LIN7A: variants seen among roughly 807,000 people sequenced by gnomAD.
LIN7A encodes lin-7 cell polarity scaffold A.
LIN7A carries 25 observed loss-of-function variants against 29.8 expected under a neutral mutation model. That is an observed-to-expected ratio of 0.84 (90% confidence interval 0.61 to 1.17). LIN7A has a LOEUF of 1.17. LIN7A is among the 50% of genes most tolerant of loss of function. The probability of loss-of-function intolerance (pLI) is 0.00; values close to 1 mark genes in which losing one functional copy is unlikely to be tolerated. For missense variants in LIN7A, 239 were observed against 287.0 expected (o/e 0.83, Z 1.21); for synonymous variants, 118 against 107.5 (o/e 1.10, Z -0.60).
chr12:80,847,145 T>G (rs548557749), intron 3 of LIN7A, among the ~76,000 whole-genome samples: 10 of 152,224 alleles, frequency 6.6e-5, no homozygotes, highest in Non-Finnish European at 1.5e-4. Context: ...ATGGATGCAA[T>G]GCAGACAGCC....
chr12:80,864,327 GA>G (rs895626291), intron 2 of LIN7A, among the ~76,000 whole-genome samples: 5 of 137,336 alleles, frequency 3.6e-5, no homozygotes, highest in African/African-American at 8.1e-5. Flanking sequence ...ATCAAGATGA[GA>G]AAAAAAAAGA....
rs563440365 is a variant in LIN7A, at chr12:80,813,059, A to G, written c.484-1376T>C. Among the ~76,000 whole-genome samples the G allele has an allele frequency of 1.8e-4, 28 of 152,048 alleles. No individual in the cohort carries two copies. In the East Asian group the frequency reaches 2.5e-3, roughly 14 times the overall value. On this transcript the variant is annotated intron_variant, in intron 4 of 5. Transcript: ENST00000552864. ...GGAGTCTTGCTCTGTTGCCCAGGCT[A>G]GAGTGCAATGGCGCGATCTTGGCTC...
In LIN7A at chr12:80,796,121, T is replaced by C. The variant is rs1270749647; in HGVS notation, c.*1606A>G. On this transcript the variant is annotated 3_prime_UTR_variant, in exon 6 of 6. Coordinates refer to ENST00000552864, the MANE Select transcript of LIN7A (RefSeq NM_004664.4). ...TGGGTAGTTTTGATTGGTTTTGTTT[T>C]ATTTTCAAGAAGACAGTCTAAACTG... 6.6e-6 allele frequency: 1 copy of C among 152,190 alleles called. No homozygotes were observed. The highest frequency in any genetic ancestry group is 1.5e-5 in the Non-Finnish European group (1 of 68,008). 9.4% of individuals were successfully genotyped at this position (152,190 alleles called of 1,614,324 possible). A position where few individuals can be genotyped will look rare whatever the true frequency, so the allele number is the denominator to read the frequency against.
intron 2 of LIN7A, among the ~76,000 whole-genome samples, chr12:80,850,736 T>C (rs921794798): frequency 6.6e-6 from 1 of 152,200 alleles, no homozygotes; most frequent in Admixed American, 6.6e-5. Flanking sequence ...AAGCTATACC[T>C]TTTCTTCGTA....
chr12:80,811,797 A>G lies in LIN7A; in HGVS notation c.484-114T>C, dbSNP rs1871305618. The G allele has an allele frequency of 2.4e-5, 29 of 1,188,956 alleles. No homozygotes were observed. In the South Asian group the frequency reaches 4.0e-4, roughly 16 times the overall value. The allele number at this position is 1,188,956 out of a possible 1,614,324, so 73.7% of individuals were successfully genotyped here. On this transcript the variant is annotated intron_variant, in intron 4 of 5. Coordinates refer to ENST00000552864, the MANE Select transcript of LIN7A (RefSeq NM_004664.4). ...CCAAAATTTAAAATTTTAAGAAAACATGGCAAATGAGTTATCTTACCATCA... is the reference window on the plus strand; with the variant it reads ...CCAAAATTTAAAATTTTAAGAAAACGTGGCAAATGAGTTATCTTACCATCA...
intron 4 of LIN7A, among the ~76,000 whole-genome samples, chr12:80,829,164 G>C (rs1872224406): frequency 6.6e-6 from 1 of 152,076 alleles, no homozygotes; most frequent in East Asian, 1.9e-4. Flanking sequence ...GGCAAAATAA[G>C]TCCCCCAAAA....
At chr12:80,815,540 C>T (rs1283995022) in intron 4 of LIN7A, among the ~76,000 whole-genome samples, 1 of 152,150 alleles carries the variant, frequency 6.6e-6, no homozygotes, top group African/African-American at 2.4e-5. Flanking sequence ...AACAGTTAAG[C>T]TATTTTTATC....
intron 4 of LIN7A, among the ~76,000 whole-genome samples, chr12:80,825,591 TG>T (rs1299552054): frequency 1.3e-5 from 2 of 152,196 alleles, no homozygotes; most frequent in Non-Finnish European, 2.9e-5. Context: ...ATAAAAGATT[TG>T]CAACCTAGAA....
intron 5 of LIN7A, among the ~76,000 whole-genome samples, chr12:80,800,216 A>G (rs78723551): frequency 0.077 from 11,755 of 152,120 alleles, 1,481 homozygotes; most frequent in African/African-American, 0.26. Flanking sequence ...TGGGCCGGGT[A>G]CGGTGGCTCA....
intron 5 of LIN7A, among the ~76,000 whole-genome samples, chr12:80,800,489 C>CAAAAAAAAA (rs55772850): frequency 6.6e-4 from 25 of 38,086 alleles, no homozygotes; most frequent in African/African-American, 2.1e-3. Context: ...AACTCCGTCT[C>CAAAAAAAAA]AAAAAAAAAA....
chr12:80,937,808 A>G lies in LIN7A; in HGVS notation c.-86T>C, dbSNP rs1407583698. 3.0e-6 allele frequency: 2 copies of G among 662,856 alleles called. No individual in the cohort carries two copies. Among genetic ancestry groups the G allele is most frequent in the Non-Finnish European group, 4.4e-6 (2 of 452,456 alleles). 41.1% of individuals were successfully genotyped at this position (662,856 alleles called of 1,614,324 possible). On this transcript the variant is annotated 5_prime_UTR_variant, in exon 1 of 6. Transcript: ENST00000552864. ...ACGGAAAGGAGGGGGAGGAGGGGGA[A>G]GGAAGGAAGGTGGTGGTGGTGGAGA...
At chr12:80,846,433 A>G (rs1429856839) in intron 3 of LIN7A, among the ~76,000 whole-genome samples, 15 of 152,204 alleles carry the variant, frequency 9.9e-5, no homozygotes, top group Admixed American at 2.6e-4. Context: ...GTATGTATAC[A>G]TACTTTTGAA....
chr12:80,906,300 CTA>C (rs1876472179), intron 1 of LIN7A, among the ~76,000 whole-genome samples: 1 of 152,160 alleles, frequency 6.6e-6, no homozygotes, highest in Non-Finnish European at 1.5e-5. Context: ...AGCTCTCACT[CTA>C]CTATTTGCAT....
intron 5 of LIN7A, among the ~76,000 whole-genome samples, chr12:80,802,443 C>G (rs1870766289): frequency 6.6e-6 from 1 of 152,108 alleles, no homozygotes; most frequent in African/African-American, 2.4e-5. Context: ...TGCAGGTATC[C>G]TTTTAACATG....
At chr12:80,916,847 G>C (rs1877053148) in intron 1 of LIN7A, among the ~76,000 whole-genome samples, 1 of 152,052 alleles carries the variant, frequency 6.6e-6, no homozygotes, top group African/African-American at 2.4e-5. Flanking sequence ...CCCGCAGAGA[G>C]AGCAACACAG....
chr12:80,820,395 A>G (rs951889503), intron 4 of LIN7A, among the ~76,000 whole-genome samples: 7 of 152,244 alleles, frequency 4.6e-5, no homozygotes, highest in Non-Finnish European at 5.9e-5. Flanking sequence ...CTGGGGGCAG[A>G]AAACTGAAAA....
At chr12:80,921,435 GAT>G in intron 1 of LIN7A, among the ~76,000 whole-genome samples, 1 of 82,324 alleles carries the variant, frequency 1.2e-5, no homozygotes, top group African/African-American at 1.0e-4. Context: ...GCACTTCCAA[GAT>G]CAGAGTGCCA....
chr12:80,883,819 T>C (rs1360505644), intron 2 of LIN7A, among the ~76,000 whole-genome samples: 1 of 152,194 alleles, frequency 6.6e-6, no homozygotes, highest in Non-Finnish European at 1.5e-5. Context: ...ACAACACTAC[T>C]CTATGAACTT....
chr12:80,858,507 CTTT>C (rs11353715), intron 2 of LIN7A, among the ~76,000 whole-genome samples: 4 of 139,382 alleles, frequency 2.9e-5, no homozygotes, highest in South Asian at 2.3e-4. Context: ...GAAGAAATTT[CTTT>C]TTTTTTTTTT....
Sources: allele counts gnomAD v4.1 joint callset (sites outside exome capture counted in the v4.1 genomes callset), GRCh38; gene constraint gnomAD v4.1.1; transcripts MANE v1.5; gene names NCBI Gene and HGNC (gene_info 2026-07-23, HGNC 2026-07-21).